Variants in HELZ observed in about 807,000 individuals in gnomAD.
HELZ encodes helicase with zinc finger.
Under a neutral mutation model 218.2 loss-of-function variants are expected in HELZ, and 23 were observed. The ratio of observed to expected loss-of-function variants is 0.11; its 90% CI spans 0.08 to 0.15. The LOEUF (loss-of-function observed/expected upper bound fraction) is 0.15. HELZ is among the 10% of genes least tolerant of loss of function. The probability of loss-of-function intolerance (pLI) is 1.00; values close to 1 mark genes in which losing one functional copy is unlikely to be tolerated. For synonymous variants in HELZ, 814 were observed against 829.4 expected, an observed-to-expected ratio of 0.98 and a Z score of 0.32; for missense variants, 1,813 against 2,353.7, an observed-to-expected ratio of 0.77 and a Z score of 4.75.
rs1423499259 is a variant in HELZ, at chr17:67,072,762, T to G, written c.*5490A>C. 1 of 152,214 alleles carries G rather than the reference T, an allele frequency of 6.6e-6. No individual in the cohort carries two copies. Among genetic ancestry groups the G allele is most frequent in the African/African-American group, 2.4e-5 (1 of 41,460 alleles). The allele number at this position is 152,214 out of a possible 1,614,324, so 9.4% of individuals were successfully genotyped here. A position where few individuals can be genotyped will look rare whatever the true frequency, so the allele number is the denominator to read the frequency against. On this transcript the variant is annotated 3_prime_UTR_variant, in exon 33 of 33. Coordinates refer to ENST00000358691, the MANE Select transcript of HELZ (RefSeq NM_014877.4). ...ATGGCACCAGATTTATAAAAATGTC[T>G]CCAGAGATCAGTTTTTTACACTGAG...
intron 5 of HELZ, among the ~76,000 whole-genome samples, chr17:67,215,418 G>A (rs1033094625): frequency 6.7e-6 from 1 of 149,382 alleles, no homozygotes; most frequent in South Asian, 2.1e-4. Context: ...CTGTGATATC[G>A]GCTCACTGCA....
chr17:67,166,665 A>G, intron 14 of HELZ, 57 bp from the exon 15 acceptor site: 1 of 1,522,926 alleles, frequency 6.6e-7, no homozygotes, highest in Non-Finnish European at 9.1e-7. Context: ...CAATGCTGGC[A>G]GCTCACTAGA....
intron 31 of HELZ, among the ~76,000 whole-genome samples, chr17:67,091,551 G>C (rs1165002413): frequency 2.0e-5 from 3 of 152,058 alleles, no homozygotes; most frequent in African/African-American, 7.2e-5. Context: ...AAATCTGAAA[G>C]GTTGCTAGAA....
chr17:67,195,108 G>A (rs74949764), intron 8 of HELZ, among the ~76,000 whole-genome samples: 1,634 of 152,250 alleles, frequency 0.011, 31 homozygotes, highest in Middle Eastern at 0.024. Context: ...GCTTAGGACA[G>A]AGAGAGAAGA....
intron 32 of HELZ, among the ~76,000 whole-genome samples, chr17:67,082,268 G>C (rs1247028531): frequency 6.6e-6 from 1 of 152,182 alleles, no homozygotes; most frequent in African/African-American, 2.4e-5. Flanking sequence ...TATTTAGTGA[G>C]GTAGCTCTAT....
chr17:67,086,631 A>AATATATATATATATATATATATATAT (rs71139116), intron 32 of HELZ, among the ~76,000 whole-genome samples, 198 bp downstream of exon 32: 7 of 93,288 alleles, frequency 7.5e-5, no homozygotes, highest in Admixed American at 1.2e-4. Context: ...TATAAATATA[A>AATATATATATATATATATATATATAT]ATATATATAT....
intron 26 of HELZ, among the ~76,000 whole-genome samples, chr17:67,121,482 A>G (rs915363212): frequency 7.9e-5 from 12 of 152,210 alleles, no homozygotes; most frequent in African/African-American, 2.7e-4. Flanking sequence ...TTTCTCATTT[A>G]CAGTCATTCT....
At chr17:67,130,231 T>C (rs1257919508) in intron 23 of HELZ, among the ~76,000 whole-genome samples, 2 of 152,124 alleles carry the variant, frequency 1.3e-5, no homozygotes, top group African/African-American at 2.4e-5. Flanking sequence ...TTGGGTACAA[T>C]GTACACTACT....
chr17:67,157,303 A>G (rs1488045512), intron 17 of HELZ, among the ~76,000 whole-genome samples: 1 of 152,074 alleles, frequency 6.6e-6, no homozygotes, highest in Non-Finnish European at 1.5e-5. Context: ...AAGAGGGGGG[A>G]AAAAAAGAAA....
intron 1 of HELZ, chr17:67,244,129 AG>A (rs2041400896): frequency 2.5e-6 from 1 of 396,320 alleles, no homozygotes; most frequent in Non-Finnish European, 3.4e-6. Flanking sequence ...GAAATGAAGG[AG>A]AGGAAATTTC....
chr17:67,107,102 C>CT, intron 31 of HELZ, 67 bp downstream of exon 31: 4 of 1,389,426 alleles, frequency 2.9e-6, no homozygotes, highest in Non-Finnish European at 3.9e-6. Flanking sequence ...TTCCTATTAT[C>CT]AAATCAATAA....
intron 5 of HELZ, among the ~76,000 whole-genome samples, chr17:67,204,377 C>T (rs1010994193): frequency 6.6e-6 from 1 of 152,148 alleles, no homozygotes; most frequent in Non-Finnish European, 1.5e-5. Flanking sequence ...TTCACTTACT[C>T]ATTTTCTCCT....
intron 3 of HELZ, among the ~76,000 whole-genome samples, chr17:67,233,488 TCA>T (rs2041092736): frequency 6.6e-6 from 1 of 152,228 alleles, no homozygotes; most frequent in Non-Finnish European, 1.5e-5. Flanking sequence ...TCAGCATTTC[TCA>T]GTGTGAAGCA....
chr17:67,170,826 C>CAAA (rs71368805), intron 13 of HELZ, among the ~76,000 whole-genome samples: 6 of 119,330 alleles, frequency 5.0e-5, no homozygotes, highest in Admixed American at 1.6e-4. Flanking sequence ...GACTCCATCT[C>CAAA]AAAAAAAAAA....
At chr17:67,160,387 A>C in intron 16 of HELZ, 25 bp from the exon 17 acceptor site, 1 of 1,498,168 alleles carries the variant, frequency 6.7e-7, no homozygotes, top group Non-Finnish European at 9.3e-7. Flanking sequence ...GGTGCAAATA[A>C]AAAGAATGAT....
rs1428177049 is a variant in HELZ, at chr17:67,155,942, CAT to C, written c.2177+4317_2177+4318del. On this transcript the variant is annotated intron_variant, in intron 17 of 32. Transcript: ENST00000358691. ...TGTATGTGTGTGTGTATATATTATA[CAT>C]ATATACACATATAATTTTTATTTTT... Among the ~76,000 whole-genome samples the C allele has an allele frequency of 2.0e-5, 3 of 148,856 alleles. No individual in the cohort carries two copies. In the East Asian group the frequency reaches 5.8e-4, roughly 29 times the overall value.
intron 17 of HELZ, among the ~76,000 whole-genome samples, chr17:67,152,098 G>A (rs2038702126): frequency 6.6e-6 from 1 of 152,212 alleles, no homozygotes; most frequent in Non-Finnish European, 1.5e-5. Flanking sequence ...AACATATATG[G>A]TGGGGGTGGA....
Position 67,151,135 on chromosome 17 carries a change from A to T in HELZ, c.2267T>A (p.Met756Lys). The change falls in exon 18 of 33, where the codon ATG becomes AAG. Residue 756 changes from methionine (M) to lysine (K), a missense_variant. Physicochemically the swap from Met to Lys is moderately conservative, Grantham distance 95 (BLOSUM62 -1). Transcript: ENST00000358691. The part of the protein sequence containing the change: ...LISSAHSTFQ[M>K]PQKEDILKHR... ...TTTAAGAATATCTTCTTTCTGGGGC[A>T]TCTGAAAGGTGGAATGTGCGCTTGA... is the stretch of plus-strand genomic sequence containing the variant. 6.2e-7 allele frequency: 1 copy of T among 1,613,756 alleles called. No homozygotes were observed. The highest frequency in any genetic ancestry group is 1.1e-5 in the South Asian group (1 of 91,076).
intron 2 of HELZ, among the ~76,000 whole-genome samples, chr17:67,240,860 C>G (rs1010571925): frequency 6.6e-6 from 1 of 152,198 alleles, no homozygotes; most frequent in East Asian, 1.9e-4. Context: ...AGTTGAAAAA[C>G]TTTCCATTTC....
Sources: gnomAD v4.1 joint callset for allele counts (sites outside exome capture counted in the v4.1 genomes callset) on GRCh38, gnomAD v4.1.1 for gene constraint, MANE v1.5 for transcripts, NCBI Gene and HGNC (gene_info 2026-07-23, HGNC 2026-07-21) for gene names.